Variants in MGRN1 observed in about 807,000 individuals in gnomAD.
MGRN1 encodes E3 ubiquitin-protein ligase MGRN1.
Under a neutral mutation model 69.2 loss-of-function variants are expected in MGRN1, and 29 were observed. That is an observed-to-expected ratio of 0.42 (90% CI 0.31 to 0.57). The LOEUF (loss-of-function observed/expected upper bound fraction) is 0.57. MGRN1 is among the 20% of genes least tolerant of loss of function. MGRN1 has a pLI of 0.15. For synonymous variants in MGRN1, 470 were observed against 344.2 expected (o/e 1.37, Z -4.04); for missense variants, 998 against 796.2 (o/e 1.25, Z -3.05).
At chr16:4,670,283 C>T (rs536016069) in intron 8 of MGRN1, among the ~76,000 whole-genome samples, 1 of 152,268 alleles carries the variant, frequency 6.6e-6, no homozygotes, top group African/African-American at 2.4e-5. Context: ...CACTCTGTCG[C>T]CGAGGCTGGA....
At chr16:4,634,474 T>G (rs1415478601) in intron 1 of MGRN1, 1 of 152,436 alleles carries the variant, frequency 6.6e-6, no homozygotes, top group Non-Finnish European at 1.5e-5. Flanking sequence ...TCTCTAGCTT[T>G]GCGCTTTGGG....
intron 4 of MGRN1, among the ~76,000 whole-genome samples, chr16:4,655,725 G>A (rs1286678746): frequency 1.3e-5 from 2 of 152,184 alleles, no homozygotes; most frequent in South Asian, 4.1e-4. Context: ...AGGACCTGGA[G>A]GCTCCAGGAC....
At chr16:4,656,404 C>T (rs372702868) in intron 4 of MGRN1, among the ~76,000 whole-genome samples, 1 of 152,190 alleles carries the variant, frequency 6.6e-6, no homozygotes, top group Non-Finnish European at 1.5e-5. Flanking sequence ...AGTGTTGACG[C>T]CTACCCCGTC....
intron 8 of MGRN1, among the ~76,000 whole-genome samples, chr16:4,670,904 G>A (rs919448505): frequency 3.9e-5 from 6 of 152,248 alleles, no homozygotes; most frequent in South Asian, 2.1e-4. Context: ...TGTGGTCAGC[G>A]TGAGGCTTTT....
chr16:4,657,668 T>A (rs1246103334), intron 5 of MGRN1, among the ~76,000 whole-genome samples: 3 of 151,920 alleles, frequency 2.0e-5, no homozygotes, highest in African/African-American at 7.3e-5. Flanking sequence ...ATGCAGGGTC[T>A]GTTCACACCA....
chr16:4,650,203 T>C, intron 1 of MGRN1, 162 bp from the exon 2 acceptor site: 1 of 553,316 alleles, frequency 1.8e-6, no homozygotes, highest in Non-Finnish European at 3.2e-6. Flanking sequence ...CTCGGGAGGC[T>C]GAGGCAGAAG....
chr16:4,673,564 A>G lies in MGRN1; in HGVS notation c.862A>G (p.Thr288Ala). ...GGTGTGCCTGTCCGACCTGCGGGAC[A>G]CGCTGATCCTGCCCTGCCGCCACCT... ...CVVCLSDLRD[T>A]LILPCRHLCL... Residue 288 changes from threonine to alanine, a missense_variant, in exon 10 of 17, where the codon ACG becomes GCG. Coordinates refer to ENST00000262370, the MANE Select transcript of MGRN1 (RefSeq NM_015246.4). 1 of 1,613,856 alleles carries G rather than the reference A, an allele frequency of 6.2e-7. No homozygotes were observed. The highest frequency in any genetic ancestry group is 1.7e-4 in the Middle Eastern group (1 of 6,058).
intron 1 of MGRN1, among the ~76,000 whole-genome samples, chr16:4,630,368 C>G (rs551498489): frequency 6.9e-6 from 1 of 145,622 alleles, no homozygotes; most frequent in Non-Finnish European, 1.5e-5. Flanking sequence ...AAAAAAAAAA[C>G]AAATAGAAAG....
At chr16:4,647,204 T>G in intron 1 of MGRN1, among the ~76,000 whole-genome samples, 1 of 152,192 alleles carries the variant, frequency 6.6e-6, no homozygotes, top group East Asian at 1.9e-4. Flanking sequence ...GTGCACATCT[T>G]GGAGGAGCAG....
intron 10 of MGRN1, among the ~76,000 whole-genome samples, chr16:4,675,706 C>A (rs1373967177): frequency 6.6e-6 from 1 of 151,110 alleles, no homozygotes; most frequent in South Asian, 2.1e-4. Flanking sequence ...TGCACCCCCG[C>A]CTGAGAGACA....
At chr16:4,677,302 C>A in intron 10 of MGRN1, 161 bp from the exon 11 acceptor site, 1 of 460,568 alleles carries the variant, frequency 2.2e-6, no homozygotes, top group Non-Finnish European at 3.8e-6. Context: ...AATTCCTGCT[C>A]CTTAAAACTA....
intron 7 of MGRN1, 111 bp downstream of exon 7, chr16:4,665,262 G>T (rs1180888014): frequency 2.5e-6 from 3 of 1,176,806 alleles, no homozygotes; most frequent in Non-Finnish European, 3.7e-6. Flanking sequence ...GTGGCTGAGT[G>T]TCAAGGGCCC....
At chr16:4,680,133 C>T (rs1164035456) in intron 12 of MGRN1, 36 bp downstream of exon 12, 1 of 1,602,644 alleles carries the variant, frequency 6.2e-7, no homozygotes, top group Admixed American at 1.7e-5. Context: ...TTTTTTTGCC[C>T]CCGCCCTCAT....
Position 4,668,712 on chromosome 16 carries a change from AC to A in MGRN1, c.726+401del, listed in dbSNP as rs1267488809. On this transcript the variant is annotated intron_variant, in intron 8 of 16. Transcript: ENST00000262370. ...CGTACACATACACACATACACTCAC[AC>A]TCACTCACATATACATAGACACATA... Among the ~76,000 whole-genome samples the A allele has an allele frequency of 2.9e-5, 4 of 136,918 alleles. No individual in the cohort carries two copies. In the East Asian group the frequency reaches 8.1e-4, roughly 28 times the overall value. The allele number at this position is 136,918 out of a possible 152,430, so 89.8% of individuals were successfully genotyped here. A position where few individuals can be genotyped will look rare whatever the true frequency, so the allele number is the denominator to read the frequency against.
chr16:4,644,326 T>G (rs2078230008), intron 1 of MGRN1, among the ~76,000 whole-genome samples: 2 of 142,932 alleles, frequency 1.4e-5, no homozygotes, highest in Admixed American at 7.0e-5. Flanking sequence ...TTTTTTTTTT[T>G]GATGGAGTTT....
rs578004527 is a variant in MGRN1, at chr16:4,645,526, C to G, written c.89-4839C>G. The stretch of plus-strand genomic sequence containing the variant: ...ACAGTAAGATCTTAGAGCCTCCAGC[C>G]TAGAACACCAGGCTGAAAAGTGCTG... On this transcript the variant is annotated intron_variant, in intron 1 of 16. Transcript: ENST00000262370. Among the ~76,000 whole-genome samples, 7 of 152,266 alleles carry G rather than the reference C, an allele frequency of 4.6e-5. No homozygotes were observed. In the South Asian group the frequency reaches 8.3e-4, roughly 18 times the overall value.
intron 16 of MGRN1, chr16:4,687,843 C>G (rs999135353): frequency 4.1e-6 from 4 of 985,372 alleles, no homozygotes; most frequent in South Asian, 9.4e-5. Flanking sequence ...TGACTGCGCT[C>G]TGCATTCCCA....
Position 4,647,829 on chromosome 16 carries a change from C to A in MGRN1, c.89-2536C>A, listed in dbSNP as rs111783795. Among the ~76,000 whole-genome samples, 701 of 152,230 alleles carry A rather than the reference C, an allele frequency of 4.6e-3. 9 individuals are homozygous for A. Among genetic ancestry groups the A allele is most frequent in the African/African-American group, 0.016 (676 of 41,530 alleles). On this transcript the variant is annotated intron_variant, in intron 1 of 16. Transcript: ENST00000262370. ...CTCTCAGTGGTCCCTGTTCTGCATGCTGGGTTAGGTGGGGCTGCGGCTCCC... is the reference window on the plus strand; with the variant it reads ...CTCTCAGTGGTCCCTGTTCTGCATGATGGGTTAGGTGGGGCTGCGGCTCCC...
chr16:4,668,230 G>A lies in MGRN1; in HGVS notation c.679-35G>A, dbSNP rs185666345. 8.1e-6 allele frequency: 13 copies of A among 1,606,384 alleles called. No individual in the cohort carries two copies. In the South Asian group the frequency reaches 8.8e-5, roughly 11 times the overall value. On this transcript the variant is annotated intron_variant, in intron 7 of 16. Transcript: ENST00000262370. ...CAGGGGTGCTCAGAGGCGCCAGCTT[G>A]ACCACCTTAACCTCTTTGTCTTTCT...
Sources: gnomAD v4.1 joint callset for allele counts (sites outside exome capture counted in the v4.1 genomes callset) on GRCh38, gnomAD v4.1.1 for gene constraint, MANE v1.5 for transcripts, NCBI Gene and HGNC (gene_info 2026-07-23, HGNC 2026-07-21) for gene names.